ARFGEF1: variants seen among roughly 807,000 people sequenced by gnomAD.
The protein encoded by ARFGEF1 is ARF guanine nucleotide exchange factor 1.
A neutral mutation model predicts 231.0 loss-of-function variants in ARFGEF1; 42 were observed. The ratio of observed to expected loss-of-function variants is 0.18; its 90% CI spans 0.14 to 0.24. The LOEUF is 0.24. ARFGEF1 is among the 10% of genes least tolerant of loss of function. ARFGEF1 has a pLI of 1.00. For missense variants in ARFGEF1, 1,345 were observed against 2,192.0 expected, an observed-to-expected ratio of 0.61 and a Z score of 7.72; for synonymous variants, 710 against 732.3, an observed-to-expected ratio of 0.97 and a Z score of 0.49.
Position 67,227,443 on chromosome 8 carries a change from G to C in ARFGEF1, c.3743+4C>G. The C allele has an allele frequency of 6.2e-7, 1 of 1,611,962 alleles. No individual in the cohort carries two copies. The highest frequency in any genetic ancestry group is 8.5e-7 in the Non-Finnish European group (1 of 1,178,848). ...TCTATTAAGCAATTCAACAAATATA[G>C]TACCTGTTCCGTTTCATTATATGTT... On this transcript the variant is annotated splice_donor_region_variant and intron_variant, in intron 26 of 38. Transcript: ENST00000262215.
chr8:67,203,064 T>C lies in ARFGEF1; in HGVS notation c.5128+19A>G. On this transcript the variant is annotated intron_variant, in intron 36 of 38. Coordinates refer to ENST00000262215, the MANE Select transcript of ARFGEF1 (RefSeq NM_006421.5). ...ATCCATCAACAGTAAACATTAAATG[T>C]GAGGCGTGTGCAGCTTACCTGCTTT... is the stretch of plus-strand genomic sequence containing the variant. 1 of 1,603,246 alleles carries C rather than the reference T, an allele frequency of 6.2e-7. No individual in the cohort carries two copies. The highest frequency in any genetic ancestry group is 8.5e-7 in the Non-Finnish European group (1 of 1,174,986).
chr8:67,236,349 T>TAA (rs1554638965), intron 22 of ARFGEF1, among the ~76,000 whole-genome samples: 349 of 13,934 alleles, frequency 0.025, 79 homozygotes, highest in Middle Eastern at 0.071. Context: ...AGATATTAGT[T>TAA]AAAAAAAAAA....
intron 23 of ARFGEF1, 124 bp downstream of exon 23, chr8:67,232,731 A>T: frequency 4.0e-6 from 3 of 746,874 alleles, no homozygotes; most frequent in Non-Finnish European, 6.2e-6. Context: ...AGCATATCAC[A>T]ATATAATTTT....
Position 67,251,561 on chromosome 8 carries a change from A to C in ARFGEF1, c.2699-111T>G, listed in dbSNP as rs961152348. ...ACCAGTAATTAAAAGTAATCCTAAG[A>C]AGCAAGACACAAGAGATCCCATATT... On this transcript the variant is annotated intron_variant, in intron 18 of 38. Coordinates refer to ENST00000262215, the MANE Select transcript of ARFGEF1 (RefSeq NM_006421.5). 3 of 1,077,616 alleles carry C rather than the reference A, an allele frequency of 2.8e-6. No individual in the cohort carries two copies. In the African/African-American group the frequency reaches 4.8e-5, roughly 17 times the overall value. The allele number at this position is 1,077,616 out of a possible 1,614,324, so 66.8% of individuals were successfully genotyped here.
At chr8:67,221,576 A>G (rs971390345) in intron 29 of ARFGEF1, among the ~76,000 whole-genome samples, 6 of 152,206 alleles carry the variant, frequency 3.9e-5, no homozygotes, top group African/African-American at 1.4e-4. Context: ...AAGTGTTAAT[A>G]TAAGAGTCAA....
chr8:67,258,101 G>C lies in ARFGEF1; in HGVS notation c.2425C>G (p.Leu809Val). 2 of 1,613,092 alleles carry C rather than the reference G, an allele frequency of 1.2e-6. No individual in the cohort carries two copies. Among genetic ancestry groups the C allele is most frequent in the Non-Finnish European group, 1.7e-6 (2 of 1,179,178 alleles). Residue 809 changes from leucine (L) to valine (V), a missense_variant, in exon 16 of 39, where the codon CTA (leucine) becomes GTA (valine). Physicochemically the swap from Leu to Val is conservative, Grantham distance 32. Around this residue, in one of 14 missense-constraint regions of ARFGEF1, gnomAD observed 58 missense variants for 133.6 expected, o/e 0.43. Transcript: ENST00000262215. ...CTTATTTACCCTTGGTTGCATTCTA[G>C]GTATCTTGCAGCAAATTTTTCCATT... The part of the protein sequence containing the change: ...RLMEKFAARY[L>V]ECNQGQTLFA...
At chr8:67,285,967 T>C (rs1355896492) in intron 7 of ARFGEF1, among the ~76,000 whole-genome samples, 1 of 152,216 alleles carries the variant, frequency 6.6e-6, no homozygotes, top group South Asian at 2.1e-4. Flanking sequence ...TGTACCCAGG[T>C]TGAGTTCTGG....
chr8:67,199,298 T>TC, intron 38 of ARFGEF1, 200 bp from the exon 39 acceptor site: 1 of 513,644 alleles, frequency 1.9e-6, no homozygotes, highest in Non-Finnish European at 3.3e-6. Flanking sequence ...CACTTACATA[T>TC]CCTTATTTTG....
chr8:67,343,150 T>G lies in ARFGEF1; in HGVS notation c.124+14A>C. ...CAACAAGCACCCCATCCCCCGGGCCTCCTCCCCGCTCACCTAACGCCACCT... is the reference window on the plus strand; with the variant it reads ...CAACAAGCACCCCATCCCCCGGGCCGCCTCCCCGCTCACCTAACGCCACCT... On this transcript the variant is annotated intron_variant, in intron 1 of 38. Transcript: ENST00000262215. The G allele has an allele frequency of 2.9e-6, 3 of 1,026,950 alleles. No homozygotes were observed. Among genetic ancestry groups the G allele is most frequent in the Non-Finnish European group, 2.4e-6 (2 of 821,004 alleles). The allele number at this position is 1,026,950 out of a possible 1,614,324, so 63.6% of individuals were successfully genotyped here.
At chr8:67,190,480 T>A (rs1835908393) in intron 5 of ARFGEF1, among the ~76,000 whole-genome samples, 1 of 152,206 alleles carries the variant, frequency 6.6e-6, no homozygotes, top group Non-Finnish European at 1.5e-5. Context: ...GTGATGATTG[T>A]ACAACTCTGT....
Position 67,277,490 on chromosome 8 carries a change from T to C in ARFGEF1, c.1028-33A>G, listed in dbSNP as rs1429429380. ...GATAAGAATAAAAACCATGCAAATA[T>C]ATCTGACTTAACCGAAGTGTATTTA... On this transcript the variant is annotated intron_variant, in intron 7 of 38. Coordinates refer to ENST00000262215, the MANE Select transcript of ARFGEF1 (RefSeq NM_006421.5). 6 of 1,585,942 alleles carry C rather than the reference T, an allele frequency of 3.8e-6. No homozygotes were observed. The East Asian group carries it at 9.0e-5, about 24-fold the overall frequency.
intron 1 of ARFGEF1, among the ~76,000 whole-genome samples, chr8:67,317,031 A>G (rs945153497): frequency 1.3e-5 from 2 of 152,206 alleles, no homozygotes; most frequent in African/African-American, 4.8e-5. Flanking sequence ...TTCCTGTGTA[A>G]TAACACCCCA....
At chr8:67,175,533 C>T (rs759558950) in exon 6 of ARFGEF1, 39 of 1,409,374 alleles carry the variant, frequency 2.8e-5, no homozygotes, top group Non-Finnish European at 3.6e-5. Context: ...CAGGCATCCT[C>T]CTTTCACTGG....
chr8:67,227,880 A>G, intron 25 of ARFGEF1, 83 bp downstream of exon 25: 4 of 1,173,188 alleles, frequency 3.4e-6, no homozygotes, highest in East Asian at 2.7e-5. Context: ...CTTGGAAGGG[A>G]AAAAGGCTCA....
chr8:67,261,563 T>C (rs769997207), intron 14 of ARFGEF1, among the ~76,000 whole-genome samples: 1 of 152,236 alleles, frequency 6.6e-6, no homozygotes, highest in Non-Finnish European at 1.5e-5. Flanking sequence ...TTACTGCTCA[T>C]TGACAATGCA....
chr8:67,191,339 A>G (rs998631932), intron 5 of ARFGEF1, among the ~76,000 whole-genome samples: 13 of 152,220 alleles, frequency 8.5e-5, no homozygotes, highest in Non-Finnish European at 1.2e-4. Context: ...AGATGCAGTT[A>G]TATGTGAAGC....
intron 1 of ARFGEF1, among the ~76,000 whole-genome samples, chr8:67,337,166 T>G (rs1054608717): frequency 6.8e-6 from 1 of 148,136 alleles, no homozygotes; most frequent in Admixed American, 6.7e-5. Context: ...CAAAACAAAT[T>G]GAAATTATTT....
chr8:67,192,066 G>GTTTTTTTTTTTTTTTTTTTTTTTTT (rs34907123), intron 5 of ARFGEF1, among the ~76,000 whole-genome samples: 1 of 129,858 alleles, frequency 7.7e-6, no homozygotes. Context: ...TTGCTGATTT[G>GTTTTTTTTTTTTTTTTTTTTTTTTT]TTTTTTTTTT....
At chr8:67,259,967 T>C (rs1563870692) in intron 14 of ARFGEF1, 41 bp from the exon 15 acceptor site, 1 of 1,378,034 alleles carries the variant, frequency 7.3e-7, no homozygotes, top group Non-Finnish European at 1.0e-6. Flanking sequence ...TAGAAAACCA[T>C]TCGTAGTCCC....
Sources: allele counts gnomAD v4.1 joint callset (sites outside exome capture counted in the v4.1 genomes callset), GRCh38; gene constraint gnomAD v4.1.1; regional missense constraint gnomAD v4.1.1; transcripts MANE v1.5; gene names NCBI Gene and HGNC (gene_info 2026-07-23, HGNC 2026-07-21).